CACNA2D3: variants seen among roughly 807,000 people sequenced by gnomAD.
CACNA2D3 encodes voltage-dependent calcium channel subunit alpha-2/delta-3.
CACNA2D3 carries 60 observed loss-of-function variants against 160.6 expected under a neutral mutation model. That is an observed-to-expected ratio of 0.37 (90% CI 0.30 to 0.46). CACNA2D3 has a LOEUF of 0.46. Among genes scored for constraint, CACNA2D3 ranks in the 20% least tolerant of loss-of-function variants. The pLI is 1.00. For synonymous variants in CACNA2D3, 558 were observed against 492.9 expected, an observed-to-expected ratio of 1.13 and a Z score of -1.75; for missense variants, 1,205 against 1,365.0, an observed-to-expected ratio of 0.88 and a Z score of 1.85.
chr3:54,791,824 A>AC (rs1289426703), intron 13 of CACNA2D3, among the ~76,000 whole-genome samples: 1 of 152,188 alleles, frequency 6.6e-6, no homozygotes, highest in East Asian at 1.9e-4. Flanking sequence ...TGAAGTTTTT[A>AC]CCCTTTACTC....
At chr3:54,732,251 AAG>A (rs2107016115) in intron 11 of CACNA2D3, among the ~76,000 whole-genome samples, 1 of 152,380 alleles carries the variant, frequency 6.6e-6, no homozygotes, top group South Asian at 2.1e-4. Context: ...CAGGACGACA[AAG>A]AGAACATGTT....
At chr3:54,589,432 G>GAA (rs58892511) in intron 9 of CACNA2D3, among the ~76,000 whole-genome samples, 2 of 148,244 alleles carry the variant, frequency 1.3e-5, no homozygotes, top group African/African-American at 4.9e-5. Context: ...GACATTTTCT[G>GAA]AAAAAAAAAA....
intron 9 of CACNA2D3, among the ~76,000 whole-genome samples, chr3:54,618,352 C>CATACATATATATATATATATATAT (rs56316245): frequency 3.3e-5 from 4 of 119,890 alleles, no homozygotes; most frequent in Admixed American, 8.7e-5. Context: ...TTGATACATA[C>CATACATATATATATATATATATAT]ATATATATAT....
At chr3:54,393,358 G>A (rs1294321231) in intron 4 of CACNA2D3, among the ~76,000 whole-genome samples, 1 of 152,188 alleles carries the variant, frequency 6.6e-6, no homozygotes, top group Non-Finnish European at 1.5e-5. Flanking sequence ...TGTCCCCTGT[G>A]ACCCATGTGG....
chr3:54,474,813 C>A (rs545661536), intron 4 of CACNA2D3, among the ~76,000 whole-genome samples: 1 of 152,138 alleles, frequency 6.6e-6, no homozygotes, highest in South Asian at 2.1e-4. Flanking sequence ...AAGTTGAGTT[C>A]TCGGATATAC....
chr3:54,580,234 G>A (rs17804211), intron 8 of CACNA2D3, among the ~76,000 whole-genome samples: 51,593 of 151,858 alleles, frequency 0.34, 9,716 homozygotes, highest in Middle Eastern at 0.43. Context: ...TGCTGCCTAG[G>A]TGCAGTAAGT....
At chr3:54,628,164 G>A (rs930374334) in intron 10 of CACNA2D3, among the ~76,000 whole-genome samples, 5 of 152,118 alleles carry the variant, frequency 3.3e-5, no homozygotes, top group African/African-American at 1.2e-4. Context: ...CCCGGGAGGT[G>A]GAGCTTGAAG....
intron 2 of CACNA2D3, among the ~76,000 whole-genome samples, chr3:54,313,287 A>C (rs1703782050): frequency 6.6e-6 from 1 of 152,058 alleles, no homozygotes; most frequent in African/African-American, 2.4e-5. Flanking sequence ...TCTCTCCAGG[A>C]GCCCTGCCTC....
chr3:55,040,896 A>G (rs1047999796), intron 35 of CACNA2D3, among the ~76,000 whole-genome samples: 1 of 151,582 alleles, frequency 6.6e-6, no homozygotes, highest in Non-Finnish European at 1.5e-5. Context: ...CCTTCATCCT[A>G]TTTTCTCTCT....
intron 11 of CACNA2D3, among the ~76,000 whole-genome samples, chr3:54,743,771 T>C (rs1214102783): frequency 2.0e-5 from 3 of 152,192 alleles, no homozygotes; most frequent in Non-Finnish European, 4.4e-5. Context: ...CTCAGTGTTT[T>C]GGAGGGCAAG....
intron 3 of CACNA2D3, among the ~76,000 whole-genome samples, chr3:54,324,632 G>A (rs1429496178): frequency 6.6e-6 from 1 of 151,970 alleles, no homozygotes; most frequent in Non-Finnish European, 1.5e-5. Flanking sequence ...GCTTGCTTTT[G>A]TGTATAGCAG....
At chr3:54,689,695 G>T (rs1700537776) in intron 11 of CACNA2D3, among the ~76,000 whole-genome samples, 1 of 151,648 alleles carries the variant, frequency 6.6e-6, no homozygotes, top group Non-Finnish European at 1.5e-5. Flanking sequence ...AATCCTCGTG[G>T]CTCTACCTCC....
intron 11 of CACNA2D3, among the ~76,000 whole-genome samples, chr3:54,739,796 G>GTGT (rs1260011068): frequency 8.0e-6 from 1 of 124,724 alleles, no homozygotes; most frequent in African/African-American, 3.5e-5. Context: ...TGTGTGTGTG[G>GTGT]AATTATATAT....
Position 54,562,786 on chromosome 3 carries a change from T to TC in CACNA2D3, c.545-14_545-13insC, listed in dbSNP as rs1575347625. The TC allele has an allele frequency of 1.9e-6, 3 of 1,607,016 alleles. No individual in the cohort carries two copies. Among genetic ancestry groups the TC allele is most frequent in the Middle Eastern group, 1.7e-4 (1 of 6,048 alleles). Reference sequence around the variant, plus strand: ...TTTCTAATACACCCCTCTCTCTCTCTTTCTTTTTTACAGACCCTGCAATTG... The same window carrying TC: ...TTTCTAATACACCCCTCTCTCTCTCTCTTCTTTTTTACAGACCCTGCAATTG... On this transcript the variant is annotated splice_polypyrimidine_tract_variant and intron_variant, in intron 5 of 37. Transcript: ENST00000474759.
At chr3:54,980,047 A>G (rs1160804269) in intron 29 of CACNA2D3, among the ~76,000 whole-genome samples, 2 of 152,212 alleles carry the variant, frequency 1.3e-5, no homozygotes, top group African/African-American at 4.8e-5. Context: ...CTATATAAAT[A>G]TATCCCAAAG....
At chr3:54,949,174 C>T (rs1378352242) in intron 27 of CACNA2D3, among the ~76,000 whole-genome samples, 1 of 152,176 alleles carries the variant, frequency 6.6e-6, no homozygotes, top group African/African-American at 2.4e-5. Flanking sequence ...GGCTTGTTCT[C>T]CTTGATATAG....
intron 2 of CACNA2D3, among the ~76,000 whole-genome samples, chr3:54,138,496 C>T (rs1434461177): frequency 6.6e-6 from 1 of 152,190 alleles, no homozygotes; most frequent in Non-Finnish European, 1.5e-5. Context: ...CCTTAAAGCA[C>T]CCACTGCATC....
chr3:54,143,498 A>AT (rs1699972953), intron 2 of CACNA2D3, among the ~76,000 whole-genome samples: 1 of 152,016 alleles, frequency 6.6e-6, no homozygotes, highest in South Asian at 2.1e-4. Flanking sequence ...TAATTTTTTT[A>AT]TTTTTATTTT....
chr3:54,577,337 C>T (rs1333626283), intron 8 of CACNA2D3, among the ~76,000 whole-genome samples: 4 of 152,162 alleles, frequency 2.6e-5, no homozygotes, highest in Admixed American at 1.3e-4. Context: ...AGACCCCGGT[C>T]CCTGGGAGGA....
Sources: allele counts gnomAD v4.1 joint callset (sites outside exome capture counted in the v4.1 genomes callset), GRCh38; gene constraint gnomAD v4.1.1; transcripts MANE v1.5; gene names NCBI Gene and HGNC (gene_info 2026-07-23, HGNC 2026-07-21).